Variants in TECPR2 observed in about 807,000 individuals in gnomAD.
The protein encoded by TECPR2 is tectonin beta-propeller repeat-containing protein 2.
In TECPR2, 65 loss-of-function variants were observed where a neutral mutation model predicts 138.1. The ratio of observed to expected loss-of-function variants is 0.47; its 90% CI spans 0.39 to 0.58. The LOEUF (loss-of-function observed/expected upper bound fraction) is 0.58, where lower values mean the gene tolerates loss of function less well. Among genes scored for constraint, TECPR2 ranks in the 20% least tolerant of loss-of-function variants. The pLI is 0.00. For missense variants in TECPR2, 1,553 were observed against 1,824.5 expected, an observed-to-expected ratio of 0.85 and a Z score of 2.71; for synonymous variants, 746 against 749.8, an observed-to-expected ratio of 0.99 and a Z score of 0.08.
chr14:102,426,207 T>G (rs1889318690), intron 6 of TECPR2, among the ~76,000 whole-genome samples: 2 of 152,052 alleles, frequency 1.3e-5, no homozygotes, highest in Non-Finnish European at 2.9e-5. Flanking sequence ...TTTTTTTTGT[T>G]TTTTGTTTTT....
At chr14:102,425,682 T>G (rs1889299431) in intron 6 of TECPR2, among the ~76,000 whole-genome samples, 1 of 151,720 alleles carries the variant, frequency 6.6e-6, no homozygotes. Context: ...TTCAAGCGAT[T>G]CTCCTGCCTC....
At chr14:102,461,750 A>T (rs951422365) in intron 16 of TECPR2, among the ~76,000 whole-genome samples, 17 of 152,124 alleles carry the variant, frequency 1.1e-4, no homozygotes, top group African/African-American at 3.9e-4. Flanking sequence ...CGGCTCCACC[A>T]TCTCGGTTCC....
chr14:102,401,076 G>A (rs949097155), intron 2 of TECPR2, among the ~76,000 whole-genome samples: 2 of 151,746 alleles, frequency 1.3e-5, no homozygotes, highest in African/African-American at 2.4e-5. Flanking sequence ...CTGTTTATTG[G>A]TTAATTACCT....
At position 102,498,806 on chromosome 14, in the gene TECPR2, G is replaced by A. The variant is rs908300522; in HGVS notation, c.*549G>A. On this transcript the variant is annotated 3_prime_UTR_variant, in exon 20 of 20. Transcript: ENST00000359520. ...ACGCTCTGGCCAGGAAGCTGAGGCC[G>A]GGCTTGAGAGGAGAGCGCTGGCCAT... 3.6e-5 allele frequency: 20 copies of A among 556,360 alleles called. No homozygotes were observed. The highest frequency in any genetic ancestry group is 3.1e-4 in the Admixed American group (14 of 45,312). 34.5% of individuals were successfully genotyped at this position (556,360 alleles called of 1,614,324 possible).
intron 1 of TECPR2, among the ~76,000 whole-genome samples, chr14:102,373,747 T>C (rs75917967): frequency 0.029 from 4,469 of 152,192 alleles, 205 homozygotes; most frequent in African/African-American, 0.098. Context: ...CATACGTGGA[T>C]ATGTTCTGCC....
intron 18 of TECPR2, 118 bp downstream of exon 18, chr14:102,497,238 C>G: frequency 7.0e-7 from 1 of 1,420,772 alleles, no homozygotes. Context: ...TGGGGCTGTG[C>G]TGTCGCCGCT....
At position 102,414,936 on chromosome 14, in the gene TECPR2, G is replaced by A. The variant is rs148615213; in HGVS notation, c.638+143G>A. ...CTCTAAGCCTGGGGTTCCTGGTGGGGCCCTGTGCCTGCTTAGGATTTCTCC... is the reference window on the plus strand; with the variant it reads ...CTCTAAGCCTGGGGTTCCTGGTGGGACCCTGTGCCTGCTTAGGATTTCTCC... On this transcript the variant is annotated intron_variant, in intron 5 of 19. Coordinates refer to ENST00000359520, the MANE Select transcript of TECPR2 (RefSeq NM_014844.5). 7.1e-6 allele frequency: 7 copies of A among 986,198 alleles called. No individual in the cohort carries two copies. The Admixed American group carries it at 1.6e-4, about 23-fold the overall frequency. The allele number at this position is 986,198 out of a possible 1,614,324, so 61.1% of individuals were successfully genotyped here.
In TECPR2 at chr14:102,497,718, A is replaced by T; in HGVS notation, c.4080A>T (p.Thr1360=). The T allele has an allele frequency of 6.2e-7, 1 of 1,601,884 alleles. No individual in the cohort carries two copies. Among genetic ancestry groups the T allele is most frequent in the East Asian group, 2.2e-5 (1 of 44,538 alleles). The part of the protein sequence containing the change: ...KKIPGSVSCF[T]VTASDELWAV... ...TTCCCGGCAGCGTGTCGTGTTTCAC[A>T]GGCAGGTGCCCGGGGCCAGTGGGCT... The change falls in exon 19 of 20, where the codon ACA becomes ACT. Residue 1360 remains threonine (T), a splice_region_variant and synonymous_variant. Transcript: ENST00000359520.
At chr14:102,429,521 G>A (rs571347593) in intron 7 of TECPR2, among the ~76,000 whole-genome samples, 7 of 152,210 alleles carry the variant, frequency 4.6e-5, no homozygotes, top group African/African-American at 1.7e-4. Context: ...ATCCTAATAT[G>A]TGTCCTCTTG....
At chr14:102,431,347 T>TTTGG (rs1250050037) in intron 7 of TECPR2, among the ~76,000 whole-genome samples, 8 of 146,524 alleles carry the variant, frequency 5.5e-5, no homozygotes, top group Admixed American at 2.0e-4. Flanking sequence ...TGGATTTTTT[T>TTTGG]TTTTTTTTTT....
chr14:102,410,044 TTGAAA>T (rs200837794), intron 4 of TECPR2, among the ~76,000 whole-genome samples: 5,724 of 151,062 alleles, frequency 0.038, 122 homozygotes, highest in Middle Eastern at 0.094. Context: ...GACCCTGTGA[TTGAAA>T]TCTCCCACCT....
intron 9 of TECPR2, chr14:102,436,912 G>A: frequency 1.2e-6 from 1 of 841,406 alleles, no homozygotes; most frequent in Non-Finnish European, 1.4e-6. Context: ...ACTGTCGGTG[G>A]GGTGGGGTAT....
chr14:102,375,055 G>T (rs1355159459), intron 1 of TECPR2, among the ~76,000 whole-genome samples: 1 of 152,132 alleles, frequency 6.6e-6, no homozygotes, highest in Non-Finnish European at 1.5e-5. Flanking sequence ...GGACACGGTG[G>T]CTCACACCTG....
At chr14:102,474,106 T>A (rs544036215) in intron 17 of TECPR2, among the ~76,000 whole-genome samples, 48 of 152,046 alleles carry the variant, frequency 3.2e-4, no homozygotes, top group African/African-American at 1.1e-3. Flanking sequence ...GGTAATTTTT[T>A]AAATTAGCCA....
At chr14:102,454,234 G>T (rs1890223047) in intron 16 of TECPR2, among the ~76,000 whole-genome samples, 1 of 152,036 alleles carries the variant, frequency 6.6e-6, no homozygotes, top group Non-Finnish European at 1.5e-5. Flanking sequence ...ATTGCAGTCT[G>T]TATGCTACCA....
chr14:102,404,196 G>A (rs912376647), intron 2 of TECPR2, among the ~76,000 whole-genome samples: 6 of 151,774 alleles, frequency 4.0e-5, no homozygotes, highest in African/African-American at 1.2e-4. Context: ...GAATCACCCC[G>A]ACTAGCCTGA....
chr14:102,453,479 CAAA>C (rs970469094), intron 16 of TECPR2, among the ~76,000 whole-genome samples: 1 of 124,316 alleles, frequency 8.0e-6, no homozygotes, highest in Non-Finnish European at 1.7e-5. Flanking sequence ...GATTCTGTTT[CAAA>C]AAAAAAAAAA....
At chr14:102,465,353 A>G (rs1487331557) in intron 17 of TECPR2, 64 bp downstream of exon 17, 6 of 1,590,342 alleles carry the variant, frequency 3.8e-6, no homozygotes, top group Non-Finnish European at 5.1e-6. Flanking sequence ...GGATGCTGGT[A>G]CTGGGAAAAA....
intron 3 of TECPR2, 64 bp from the exon 4 acceptor site, chr14:102,408,423 GT>G: frequency 2.0e-6 from 3 of 1,521,884 alleles, no homozygotes; most frequent in Non-Finnish European, 1.8e-6. Context: ...CCTTTTCCAT[GT>G]AGCCCCAGCT....
Sources: allele counts gnomAD v4.1 joint callset (sites outside exome capture counted in the v4.1 genomes callset), GRCh38; gene constraint gnomAD v4.1.1; transcripts MANE v1.5; gene names NCBI Gene and HGNC (gene_info 2026-07-23, HGNC 2026-07-21).